Variants in ADCY2 observed in about 807,000 individuals in gnomAD.
ADCY2 encodes the protein adenylate cyclase type 2.
In ADCY2, 31 loss-of-function variants were observed where a neutral mutation model predicts 125.2. The observed-to-expected ratio is 0.25, with a 90% CI of 0.19 to 0.33. The LOEUF is 0.33. Ranked by LOEUF, ADCY2 falls within the 10% of genes least tolerant of loss-of-function variation. The probability of loss-of-function intolerance (pLI) is 1.00; values close to 1 mark genes in which losing one functional copy is unlikely to be tolerated. For missense variants in ADCY2, 904 were observed against 1,418.2 expected, an observed-to-expected ratio of 0.64 and a Z score of 5.82; for synonymous variants, 512 against 548.4, an observed-to-expected ratio of 0.93 and a Z score of 0.93.
chr5:7,579,577 G>A (rs768794008), intron 3 of ADCY2, among the ~76,000 whole-genome samples: 23 of 152,158 alleles, frequency 1.5e-4, no homozygotes, highest in Non-Finnish European at 2.5e-4. Context: ...GCTGCTGCCC[G>A]CTGTGGGAGA....
At chr5:7,812,513 A>C (rs186033498) in intron 22 of ADCY2, among the ~76,000 whole-genome samples, 1 of 152,210 alleles carries the variant, frequency 6.6e-6, no homozygotes, top group African/African-American at 2.4e-5. Context: ...AGTGACATGC[A>C]TCTCTACACT....
chr5:7,598,222 A>G (rs1737075053), intron 3 of ADCY2, among the ~76,000 whole-genome samples: 1 of 152,172 alleles, frequency 6.6e-6, no homozygotes, highest in African/African-American at 2.4e-5. Context: ...CGTTAGAGAA[A>G]GGGAAAGGTG....
In ADCY2 at chr5:7,827,634, T is replaced by C. The variant is rs1269192052; in HGVS notation, c.*763T>C. 5 of 152,376 alleles carry C rather than the reference T, an allele frequency of 3.3e-5. No homozygotes were observed. Among genetic ancestry groups the C allele is most frequent in the African/African-American group, 1.2e-4 (5 of 41,456 alleles). The allele number at this position is 152,376 out of a possible 1,614,324, so 9.4% of individuals were successfully genotyped here. Reference sequence around the variant, plus strand: ...TCCATTCTCCCTTTTGACACAGTTGTTTCAGAAAGAGCTCTCCAGAAGCCA... The same window carrying C: ...TCCATTCTCCCTTTTGACACAGTTGCTTCAGAAAGAGCTCTCCAGAAGCCA... On this transcript the variant is annotated 3_prime_UTR_variant, in exon 25 of 25. Coordinates refer to ENST00000338316, the MANE Select transcript of ADCY2 (RefSeq NM_020546.3).
intron 22 of ADCY2, among the ~76,000 whole-genome samples, chr5:7,815,367 A>T: frequency 6.6e-6 from 1 of 152,130 alleles, no homozygotes; most frequent in East Asian, 1.9e-4. Flanking sequence ...CCATTCGGCC[A>T]AGCAGCCATG....
intron 2 of ADCY2, among the ~76,000 whole-genome samples, chr5:7,442,775 G>T (rs367898278): frequency 2.6e-5 from 4 of 152,160 alleles, no homozygotes; most frequent in African/African-American, 4.8e-5. Flanking sequence ...GGAATAAATT[G>T]TTAACTTTCT....
intron 12 of ADCY2, among the ~76,000 whole-genome samples, chr5:7,722,827 G>A (rs1290412507): frequency 6.6e-6 from 1 of 151,912 alleles, no homozygotes; most frequent in Non-Finnish European, 1.5e-5. Context: ...GGGCATGCTG[G>A]TGTGCACCTG....
At chr5:7,524,869 A>C (rs1284084405) in intron 3 of ADCY2, among the ~76,000 whole-genome samples, 2 of 152,112 alleles carry the variant, frequency 1.3e-5, no homozygotes, top group Non-Finnish European at 2.9e-5. Flanking sequence ...ATTAAGACAT[A>C]TTTTGTGGAA....
chr5:7,558,791 T>A (rs528120622), intron 3 of ADCY2, among the ~76,000 whole-genome samples: 8 of 152,368 alleles, frequency 5.3e-5, no homozygotes, highest in African/African-American at 1.9e-4. Flanking sequence ...GCCTAGGTAG[T>A]CTTCCAGGGT....
rs535755480 is a variant in ADCY2, at chr5:7,412,696, C to G, written c.211-1877C>G. 2.6e-5 allele frequency among the ~76,000 whole-genome samples: 4 copies of G among 152,340 alleles called. No homozygotes were observed. The South Asian group carries it at 8.3e-4, about 32-fold the overall frequency. ...CTGGAAACACACATTCTTTCGGCCA[C>G]GGCAACAACTAGCCCCATTCGGTTG... is the stretch of plus-strand genomic sequence containing the variant. On this transcript the variant is annotated intron_variant, in intron 1 of 24. Transcript: ENST00000338316.
At chr5:7,676,512 G>C (rs1402543058) in intron 4 of ADCY2, among the ~76,000 whole-genome samples, 1 of 55,902 alleles carries the variant, frequency 1.8e-5, no homozygotes. Flanking sequence ...ACATCAACAT[G>C]AATTAAAAAA....
At chr5:7,759,510 G>A (rs549382071) in intron 16 of ADCY2, among the ~76,000 whole-genome samples, 12 of 152,330 alleles carry the variant, frequency 7.9e-5, no homozygotes, top group Admixed American at 3.3e-4. Flanking sequence ...CAGGTCCACC[G>A]CTGGAAGCCC....
At chr5:7,764,585 C>T (rs138439148) in intron 16 of ADCY2, among the ~76,000 whole-genome samples, 40 of 152,206 alleles carry the variant, frequency 2.6e-4, no homozygotes, top group Non-Finnish European at 5.6e-4. Context: ...TTTTAAATTG[C>T]CTGAGAAATG....
intron 3 of ADCY2, among the ~76,000 whole-genome samples, chr5:7,616,505 A>T (rs1737767745): frequency 1.3e-5 from 2 of 152,140 alleles, no homozygotes; most frequent in Non-Finnish European, 2.9e-5. Flanking sequence ...TTAGGGGGAG[A>T]GTACAAAATT....
rs1392952771 is a variant in ADCY2 at position 7,576,352 on chromosome 5, G to A, written c.571-49815G>A. Among the ~76,000 whole-genome samples the A allele has an allele frequency of 1.8e-4, 28 of 152,196 alleles. 1 individual carries two copies. Among genetic ancestry groups the A allele is most frequent in the Admixed American group, 1.7e-3 (26 of 15,282 alleles). ...CAGAGATGCTCCAGTAGGTGAACGGGCAGAGGCCCGTTAATTACAGATGGA... is the reference window on the plus strand; with the variant it reads ...CAGAGATGCTCCAGTAGGTGAACGGACAGAGGCCCGTTAATTACAGATGGA... On this transcript the variant is annotated intron_variant, in intron 3 of 24. Coordinates refer to ENST00000338316, the MANE Select transcript of ADCY2 (RefSeq NM_020546.3).
rs539404368 is a variant in ADCY2, at chr5:7,724,402, T to A, written c.1704-143T>A. 5.5e-5 allele frequency: 36 copies of A among 655,788 alleles called. 1 individual carries two copies. In the East Asian group the frequency reaches 9.8e-4, roughly 18 times the overall value. The allele number at this position is 655,788 out of a possible 1,614,324, so 40.6% of individuals were successfully genotyped here. A position where few individuals can be genotyped will look rare whatever the true frequency, so the allele number is the denominator to read the frequency against. On this transcript the variant is annotated intron_variant, in intron 12 of 24. Coordinates refer to ENST00000338316, the MANE Select transcript of ADCY2 (RefSeq NM_020546.3). ...AGATTCCATATCCAGTTAGTTGGCATCACGTGTTTTTTTTTTTTTTTTTAA... is the reference window on the plus strand; with the variant it reads ...AGATTCCATATCCAGTTAGTTGGCAACACGTGTTTTTTTTTTTTTTTTTAA...
intron 14 of ADCY2, among the ~76,000 whole-genome samples, chr5:7,729,307 T>TTACCCTGTGTG (rs2126405104): frequency 6.6e-6 from 1 of 152,318 alleles, no homozygotes; most frequent in Non-Finnish European, 1.5e-5. Context: ...TTGCAAATGT[T>TTACCCTGTGTG]TACCCTGTGT....
intron 1 of ADCY2, among the ~76,000 whole-genome samples, chr5:7,407,591 G>A (rs963402898): frequency 6.6e-6 from 1 of 152,158 alleles, no homozygotes; most frequent in Non-Finnish European, 1.5e-5. Context: ...GGTGGCGAAA[G>A]GTGGTGCAGC....
intron 4 of ADCY2, among the ~76,000 whole-genome samples, chr5:7,683,342 A>G (rs1327593204): frequency 1.3e-5 from 2 of 152,250 alleles, no homozygotes; most frequent in Admixed American, 6.5e-5. Flanking sequence ...GACGGAGGAC[A>G]TAGGTTGGTG....
At chr5:7,576,500 A>G (rs1023762893) in intron 3 of ADCY2, among the ~76,000 whole-genome samples, 3 of 152,234 alleles carry the variant, frequency 2.0e-5, no homozygotes, top group African/African-American at 4.8e-5. Context: ...GCAACTTTTC[A>G]TGATACCTTA....
Sources: gnomAD v4.1 joint callset for allele counts (sites outside exome capture counted in the v4.1 genomes callset) on GRCh38, gnomAD v4.1.1 for gene constraint, MANE v1.5 for transcripts, NCBI Gene and HGNC (gene_info 2026-07-23, HGNC 2026-07-21) for gene names.